CASP9: variants seen among roughly 807,000 people sequenced by gnomAD.
CASP9 encodes the protein caspase-9.
In CASP9, 29 loss-of-function variants were observed where a neutral mutation model predicts 43.5. That is an observed-to-expected ratio of 0.67 (90% CI 0.50 to 0.91). The LOEUF (loss-of-function observed/expected upper bound fraction) is 0.91, where lower values mean the gene tolerates loss of function less well. Ranked by LOEUF, CASP9 falls within the 40% of genes least tolerant of loss-of-function variation. CASP9 has a pLI of 0.00. For missense variants in CASP9, 575 were observed against 537.4 expected (o/e 1.07, Z -0.69); for synonymous variants, 206 against 211.9 (o/e 0.97, Z 0.24).
At chr1:15,496,772 T>G (rs955521763) in intron 6 of CASP9, among the ~76,000 whole-genome samples, 11 of 152,342 alleles carry the variant, frequency 7.2e-5, no homozygotes, top group South Asian at 2.1e-4. Flanking sequence ...CTCACGCCTG[T>G]AATCTCAACA....
At chr1:15,520,694 C>A (rs1280865769) in intron 1 of CASP9, among the ~76,000 whole-genome samples, 1 of 152,228 alleles carries the variant, frequency 6.6e-6, no homozygotes, top group Non-Finnish European at 1.5e-5. Context: ...TGGCTCACGC[C>A]TGTAATCCCA....
intron 4 of CASP9, 71 bp downstream of exon 4, chr1:15,506,828 G>T: frequency 7.4e-7 from 1 of 1,356,478 alleles, no homozygotes; most frequent in Non-Finnish European, 1.0e-6. Flanking sequence ...GCTGGCTTTT[G>T]GAGTCCCTCA....
chr1:15,517,181 T>A (rs1302500676), intron 2 of CASP9, among the ~76,000 whole-genome samples: 1 of 152,146 alleles, frequency 6.6e-6, no homozygotes, highest in Non-Finnish European at 1.5e-5. Context: ...ACAACCCACA[T>A]GTCCATCAGT....
chr1:15,505,926 T>C, intron 5 of CASP9, 64 bp downstream of exon 5: 2 of 1,321,150 alleles, frequency 1.5e-6, no homozygotes, highest in Middle Eastern at 3.6e-4. Context: ...ACATGGCCCC[T>C]GCACAGCCTC....
chr1:15,515,091 G>A (rs1570864689), intron 2 of CASP9, among the ~76,000 whole-genome samples: 1 of 152,158 alleles, frequency 6.6e-6, no homozygotes, highest in East Asian at 1.9e-4. Context: ...CTCCTACTAG[G>A]AATAAATATT....
intron 5 of CASP9, 31 bp downstream of exon 5, chr1:15,505,959 C>G (rs1709502181): frequency 3.9e-6 from 6 of 1,556,630 alleles, no homozygotes; most frequent in Non-Finnish European, 5.3e-6. Flanking sequence ...GTACCCAATG[C>G]CTGCCCAGGG....
At position 15,492,864 on chromosome 1, in the gene CASP9, G is replaced by C. The variant is rs2103320717; in HGVS notation, c.*79C>G. ...TGCAAAGTCCTTGAGTTGCAGGAAAGTCCAGGCCTCAGCCTCTTTCAGGCC... is the reference window on the plus strand; with the variant it reads ...TGCAAAGTCCTTGAGTTGCAGGAAACTCCAGGCCTCAGCCTCTTTCAGGCC... On this transcript the variant is annotated 3_prime_UTR_variant, in exon 9 of 9. Coordinates refer to ENST00000333868, the MANE Select transcript of CASP9 (RefSeq NM_001229.5). 1.3e-6 allele frequency: 2 copies of C among 1,577,948 alleles called. No homozygotes were observed. The highest frequency in any genetic ancestry group is 1.7e-6 in the Non-Finnish European group (2 of 1,167,514).
Position 15,518,218 on chromosome 1 carries a change from C to G in CASP9, c.310G>C (p.Glu104Gln), listed in dbSNP as rs772667285. The change falls in exon 2 of 9, where the codon GAA becomes CAA. Residue 104 changes from glutamate (E) to glutamine (Q), a missense_variant. Glu to Gln is a conservative substitution (Grantham distance 29). Coordinates refer to ENST00000333868, the MANE Select transcript of CASP9 (RefSeq NM_001229.5). ...QAAKLSKPTLENLTPVVLRPE... is the reference protein window; with the variant it reads ...QAAKLSKPTLQNLTPVVLRPE... ...CTGAGCACCACTGGGGTAAGGTTTT[C>G]TAGGGTTGGCTTCGACAACTTTGCT... is the stretch of plus-strand genomic sequence containing the variant. 6.2e-7 allele frequency: 1 copy of G among 1,614,202 alleles called. No individual in the cohort carries two copies. The highest frequency in any genetic ancestry group is 8.5e-7 in the Non-Finnish European group (1 of 1,180,036).
In CASP9 at chr1:15,518,150, G is replaced by C. The variant is rs758916596; in HGVS notation, c.378C>G (p.Pro126=). The C allele has an allele frequency of 1.2e-6, 2 of 1,614,192 alleles. No individual in the cohort carries two copies. Among genetic ancestry groups the C allele is most frequent in the Admixed American group, 1.7e-5 (1 of 60,024 alleles). ...CTCCAGAACCAATGTCCACTGGTCT[G>C]GGTGTTTCCGGTCTGAGAACCTCTG... The part of the protein sequence containing the change: ...RKPEVLRPET[P]RPVDIGSGGF... The change falls in exon 2 of 9, where the codon CCC becomes CCG. Residue 126 remains proline (P), a synonymous_variant. Coordinates refer to ENST00000333868, the MANE Select transcript of CASP9 (RefSeq NM_001229.5).
intron 2 of CASP9, among the ~76,000 whole-genome samples, chr1:15,514,608 A>G (rs6670978): frequency 6.6e-6 from 1 of 152,214 alleles, no homozygotes; most frequent in South Asian, 2.1e-4. Context: ...CCCTGTAAGT[A>G]GCATATAATG....
At chr1:15,520,624 T>C (rs1461925990) in intron 1 of CASP9, among the ~76,000 whole-genome samples, 2 of 152,216 alleles carry the variant, frequency 1.3e-5, no homozygotes, top group East Asian at 1.9e-4. Flanking sequence ...GTAATGCCAG[T>C]GTCTGGGGAG....
At chr1:15,498,517 A>T (rs546166722) in intron 6 of CASP9, among the ~76,000 whole-genome samples, 7,100 of 14,730 alleles carry the variant, frequency 0.48, 288 homozygotes, top group Middle Eastern at 0.5. Flanking sequence ...CACAATTTTT[A>T]AAAAGACATA....
intron 7 of CASP9, among the ~76,000 whole-genome samples, chr1:15,494,491 G>A (rs186545712): frequency 1.3e-5 from 2 of 151,892 alleles, no homozygotes; most frequent in African/African-American, 2.4e-5. Context: ...CTTCAACCCG[G>A]GAGGTGGAGG....
intron 2 of CASP9, among the ~76,000 whole-genome samples, chr1:15,508,818 A>G (rs1277852261): frequency 6.6e-6 from 1 of 152,238 alleles, no homozygotes; most frequent in African/African-American, 2.4e-5. Flanking sequence ...AGCTGTGCCA[A>G]TAGAAAAGGG....
At position 15,492,690 on chromosome 1, in the gene CASP9, G is replaced by A. The variant is rs1459606027; in HGVS notation, c.*253C>T. ...AGGGATCATGGGACACAAGTCACTA[G>A]CCCTGGACCAGCCACTGCTCAAGAG... On this transcript the variant is annotated 3_prime_UTR_variant, in exon 9 of 9. Coordinates refer to ENST00000333868, the MANE Select transcript of CASP9 (RefSeq NM_001229.5). 7.3e-6 allele frequency: 4 copies of A among 546,952 alleles called. No individual in the cohort carries two copies. Among genetic ancestry groups the A allele is most frequent in the African/African-American group, 1.9e-5 (1 of 52,908 alleles). The allele number at this position is 546,952 out of a possible 1,614,324, so 33.9% of individuals were successfully genotyped here.
At position 15,492,827 on chromosome 1, in the gene CASP9, C is replaced by T. The variant is rs1233997636; in HGVS notation, c.*116G>A. The T allele has an allele frequency of 2.1e-6, 3 of 1,411,812 alleles. No individual in the cohort carries two copies. The highest frequency in any genetic ancestry group is 2.9e-6 in the Non-Finnish European group (3 of 1,043,088). The allele number at this position is 1,411,812 out of a possible 1,614,324, so 87.5% of individuals were successfully genotyped here. A position where few individuals can be genotyped will look rare whatever the true frequency, so the allele number is the denominator to read the frequency against. ...CTGTCACTGGCAGAGAAAGAGCAGA[C>T]CCTGTGCCGGCTGCAAAGTCCTTGA... On this transcript the variant is annotated 3_prime_UTR_variant, in exon 9 of 9. Transcript: ENST00000333868.
rs546975487 is a variant in CASP9 at position 15,495,076 on chromosome 1, A to C, written c.1048+197T>G. Among the ~76,000 whole-genome samples, 2 of 152,026 alleles carry C rather than the reference A, an allele frequency of 1.3e-5. 1 individual carries two copies. Among genetic ancestry groups the C allele is most frequent in the South Asian group, 4.2e-4 (2 of 4,810 alleles). ...GTGAGGCATAGGAACCCAAGGGCGCAGGCCTCCTTGCAGCGCGCATCCTTG... is the reference window on the plus strand; with the variant it reads ...GTGAGGCATAGGAACCCAAGGGCGCCGGCCTCCTTGCAGCGCGCATCCTTG... On this transcript the variant is annotated intron_variant, in intron 7 of 8. Transcript: ENST00000333868.
chr1:15,503,146 G>A lies in CASP9; in HGVS notation c.868+1465C>T, dbSNP rs561292912. ...TCACGCCTGTAATCCCAGCACTTTG[G>A]GAGGCCGAAGTGAGCAGATTGCTTG... On this transcript the variant is annotated intron_variant, in intron 6 of 8. Coordinates refer to ENST00000333868, the MANE Select transcript of CASP9 (RefSeq NM_001229.5). Among the ~76,000 whole-genome samples the A allele has an allele frequency of 2.0e-5, 3 of 152,306 alleles. No homozygotes were observed. In the South Asian group the frequency reaches 6.2e-4, roughly 32 times the overall value.
At chr1:15,520,619 G>C (rs142438130) in intron 1 of CASP9, among the ~76,000 whole-genome samples, 308 of 152,342 alleles carry the variant, frequency 2.0e-3, no homozygotes, top group African/African-American at 7.1e-3. Context: ...AAGCGGTAAT[G>C]CCAGTGTCTG....
Sources: allele counts gnomAD v4.1 joint callset (sites outside exome capture counted in the v4.1 genomes callset), GRCh38; gene constraint gnomAD v4.1.1; transcripts MANE v1.5; gene names NCBI Gene and HGNC (gene_info 2026-07-23, HGNC 2026-07-21).